The following PLD5 variants were observed in gnomAD, a reference collection of about 807,000 sequenced individuals.
PLD5 encodes the protein phospholipase D family member 5, also known as inactive phospholipase D5.
PLD5 carries 36 observed loss-of-function variants against 61.1 expected under a neutral mutation model. The observed-to-expected ratio is 0.59, with a 90% confidence interval of 0.45 to 0.78. The LOEUF (loss-of-function observed/expected upper bound fraction) is 0.78, where lower values mean the gene tolerates loss of function less well. PLD5 is among the 30% of genes least tolerant of loss of function. The probability of loss-of-function intolerance (pLI) is 0.00; values close to 1 mark genes in which losing one functional copy is unlikely to be tolerated. For synonymous variants in PLD5, 243 were observed against 242.8 expected (o/e 1.00, Z -0.01); for missense variants, 515 against 644.4 (o/e 0.80, Z 2.17).
intron 1 of PLD5, among the ~76,000 whole-genome samples, chr1:242,489,943 G>T (rs984102252): frequency 6.6e-6 from 1 of 152,246 alleles, no homozygotes; most frequent in African/African-American, 2.4e-5. Context: ...TTGAAAGGAT[G>T]AAGCTTCTTT....
intron 8 of PLD5, among the ~76,000 whole-genome samples, chr1:242,103,958 A>G (rs1660863458): frequency 6.6e-6 from 1 of 152,228 alleles, no homozygotes; most frequent in Non-Finnish European, 1.5e-5. Flanking sequence ...TAAATTCTAA[A>G]TTTTTATGTA....
intron 2 of PLD5, among the ~76,000 whole-genome samples, chr1:242,297,621 C>CTTTTTTT (rs56851216): frequency 3.7e-5 from 4 of 107,212 alleles, no homozygotes; most frequent in African/African-American, 1.3e-4. Context: ...ATTCATGTTT[C>CTTTTTTT]TTTTTTTTTT....
intron 5 of PLD5, among the ~76,000 whole-genome samples, chr1:242,187,763 G>T (rs922535800): frequency 6.6e-6 from 1 of 152,190 alleles, no homozygotes; most frequent in African/African-American, 2.4e-5. Context: ...ATGTCACCAG[G>T]CAGTATGAGA....
At chr1:242,328,259 T>G (rs140849890) in intron 2 of PLD5, among the ~76,000 whole-genome samples, 1 of 152,040 alleles carries the variant, frequency 6.6e-6, no homozygotes, top group African/African-American at 2.4e-5. Flanking sequence ...AACATATATA[T>G]ATATACACAC....
chr1:242,153,478 T>C (rs1164873573), intron 5 of PLD5, among the ~76,000 whole-genome samples: 1 of 152,130 alleles, frequency 6.6e-6, no homozygotes, highest in Non-Finnish European at 1.5e-5. Flanking sequence ...GTTTTTATGG[T>C]TTTAGGTCTT....
intron 5 of PLD5, among the ~76,000 whole-genome samples, chr1:242,198,633 T>C (rs891691791): frequency 1.4e-5 from 2 of 139,852 alleles, no homozygotes; most frequent in African/African-American, 5.6e-5. Context: ...GTCCTTGAAA[T>C]GTTGGCATGT....
intron 6 of PLD5, among the ~76,000 whole-genome samples, chr1:242,119,353 G>A (rs1305856345): frequency 2.0e-5 from 3 of 151,968 alleles, no homozygotes; most frequent in Non-Finnish European, 2.9e-5. Context: ...TAAAATATTG[G>A]AAAATCATAT....
At chr1:242,238,939 C>T (rs1350816759) in intron 4 of PLD5, among the ~76,000 whole-genome samples, 1 of 152,056 alleles carries the variant, frequency 6.6e-6, no homozygotes, top group Non-Finnish European at 1.5e-5. Flanking sequence ...CACTGGAAGG[C>T]TTGTAGCATA....
At chr1:242,140,683 T>A (rs1250324625) in intron 5 of PLD5, among the ~76,000 whole-genome samples, 6 of 152,040 alleles carry the variant, frequency 3.9e-5, no homozygotes, top group Admixed American at 2.6e-4. Flanking sequence ...TGGAAGGTGG[T>A]GCAAGGACCC....
At chr1:242,492,277 C>T (rs894609837) in intron 1 of PLD5, among the ~76,000 whole-genome samples, 4 of 151,756 alleles carry the variant, frequency 2.6e-5, no homozygotes, top group South Asian at 2.1e-4. Flanking sequence ...CTTGGGAGGT[C>T]GAGGCACGTG....
chr1:242,125,481 T>C (rs1662711483), intron 5 of PLD5, among the ~76,000 whole-genome samples: 1 of 152,188 alleles, frequency 6.6e-6, no homozygotes, highest in African/African-American at 2.4e-5. Flanking sequence ...TTCTGACCCC[T>C]AATCAAATAC....
At chr1:242,389,975 T>C (rs1662830168) in intron 1 of PLD5, among the ~76,000 whole-genome samples, 1 of 151,390 alleles carries the variant, frequency 6.6e-6, no homozygotes, top group Non-Finnish European at 1.5e-5. Flanking sequence ...GTGTACAAAA[T>C]GTATCAAATA....
intron 1 of PLD5, among the ~76,000 whole-genome samples, chr1:242,364,427 T>C (rs1661229681): frequency 6.6e-6 from 1 of 152,170 alleles, no homozygotes; most frequent in Non-Finnish European, 1.5e-5. Flanking sequence ...GTTAAAAGAA[T>C]TTTAGAAAGC....
chr1:242,205,003 A>G (rs1024351099), intron 5 of PLD5, among the ~76,000 whole-genome samples: 1 of 152,320 alleles, frequency 6.6e-6, no homozygotes, highest in East Asian at 1.9e-4. Flanking sequence ...ATTAAGTATC[A>G]TATTTGAATT....
At chr1:242,506,912 G>A (rs1248310934) in intron 1 of PLD5, among the ~76,000 whole-genome samples, 1 of 152,178 alleles carries the variant, frequency 6.6e-6, no homozygotes, top group Non-Finnish European at 1.5e-5. Flanking sequence ...GTGACTATGA[G>A]AGCAATAGGA....
At position 242,084,297 on chromosome 1, in the gene PLD5, G is replaced by GT. The variant is rs368700256; in HGVS notation, c.*5556dup. 0.19 allele frequency: 28,865 copies of GT among 149,870 alleles called. 2,987 individuals are homozygous for GT. Among genetic ancestry groups the GT allele is most frequent in the South Asian group, 0.29 (1,367 of 4,730 alleles). 9.3% of individuals were successfully genotyped at this position (149,870 alleles called of 1,614,324 possible). A position where few individuals can be genotyped will look rare whatever the true frequency, so the allele number is the denominator to read the frequency against. On this transcript the variant is annotated 3_prime_UTR_variant, in exon 10 of 10. Transcript: ENST00000536534. ...GCCTTTGCTAACCTCTCCAATGATA[G>GT]TTTTTTTTTTAAAAGTATGCCTCTC...
At position 242,118,702 on chromosome 1, in the gene PLD5, A is replaced by G. The variant is rs535967879; in HGVS notation, c.934-4676T>C. 2.6e-5 allele frequency among the ~76,000 whole-genome samples: 4 copies of G among 152,306 alleles called. No homozygotes were observed. In the South Asian group the frequency reaches 8.3e-4, roughly 32 times the overall value. On this transcript the variant is annotated intron_variant, in intron 6 of 9. Transcript: ENST00000536534. ...CTGCCTTATTGCTTCCTGTGTTCCC[A>G]CTGCCTGACACAATGGCAGGTGCTC...
chr1:242,297,632 T>C (rs1272210616), intron 2 of PLD5, among the ~76,000 whole-genome samples: 336 of 2,612 alleles, frequency 0.13, 1 homozygote, highest in Admixed American at 0.23. Flanking sequence ...TTTTTTTTTT[T>C]TTTTTTTTTT....
intron 4 of PLD5, among the ~76,000 whole-genome samples, chr1:242,245,554 C>A (rs1672305764): frequency 1.3e-5 from 2 of 152,164 alleles, no homozygotes; most frequent in Non-Finnish European, 2.9e-5. Context: ...CATTCTCAAG[C>A]CTGTCAGAGT....
Sources: allele counts gnomAD v4.1 joint callset (sites outside exome capture counted in the v4.1 genomes callset), GRCh38; gene constraint gnomAD v4.1.1; transcripts MANE v1.5; gene names NCBI Gene and HGNC (gene_info 2026-07-23, HGNC 2026-07-21).